Variants in ANKRD30B observed in about 807,000 individuals in gnomAD.
ANKRD30B encodes ankyrin repeat domain 30B, also known as ankyrin repeat domain-containing protein 30B.
A neutral mutation model predicts 202.2 loss-of-function variants in ANKRD30B; 144 were observed. The observed-to-expected ratio is 0.71, with a 90% CI of 0.62 to 0.82. The LOEUF (loss-of-function observed/expected upper bound fraction) is 0.82, where lower values mean the gene tolerates loss of function less well. Ranked by LOEUF, ANKRD30B falls within the 40% of genes least tolerant of loss-of-function variation. ANKRD30B has a pLI of 0.00. For synonymous variants in ANKRD30B, 508 were observed against 561.3 expected (o/e 0.91, Z 1.34); for missense variants, 1,487 against 1,669.1 (o/e 0.89, Z 1.90).
chr18:14,923,056 A>G, the ANKRD30B span, among the ~76,000 whole-genome samples: 1 of 152,188 alleles, frequency 6.6e-6, no homozygotes, highest in Non-Finnish European at 1.5e-5. Flanking sequence ...TCTTGGCAGG[A>G]TTCATCACCT....
the ANKRD30B span, among the ~76,000 whole-genome samples, chr18:14,861,097 C>T: frequency 6.6e-6 from 1 of 152,146 alleles, no homozygotes. Context: ...TCGTTACCTC[C>T]AGACTGACTC....
At chr18:14,844,897 C>T (rs1819202015) in intron 39 of ANKRD30B, among the ~76,000 whole-genome samples, 1 of 151,936 alleles carries the variant, frequency 6.6e-6, no homozygotes, top group South Asian at 2.1e-4. Flanking sequence ...TCAGAAGTGT[C>T]TGTTCATATC....
At chr18:14,856,526 C>T (rs1418667901), downstream of ANKRD30B, among the ~76,000 whole-genome samples, 2 of 134,996 alleles carry the variant, frequency 1.5e-5, no homozygotes, top group South Asian at 2.4e-4. Context: ...TCCTCACCTC[C>T]CAGATGATGG....
the ANKRD30B span, among the ~76,000 whole-genome samples, chr18:14,914,502 TTGTC>T: frequency 6.6e-6 from 1 of 152,200 alleles, no homozygotes; most frequent in African/African-American, 2.4e-5. Flanking sequence ...GATGGAAAGA[TTGTC>T]TGTTAGACCA....
chr18:14,796,491 C>T, intron 18 of ANKRD30B, 76 bp downstream of exon 18: 1 of 1,429,388 alleles, frequency 7.0e-7, no homozygotes, highest in Non-Finnish European at 9.3e-7. Context: ...GCTTTTATTC[C>T]CAATGTTGTT....
chr18:14,936,054 C>T, the ANKRD30B span, among the ~76,000 whole-genome samples: 55 of 152,324 alleles, frequency 3.6e-4, no homozygotes, highest in African/African-American at 1.3e-3. Context: ...AGCCTGGAAC[C>T]TGAGCGCTTG....
the ANKRD30B span, among the ~76,000 whole-genome samples, chr18:14,869,496 C>T: frequency 1.3e-5 from 2 of 152,136 alleles, no homozygotes; most frequent in South Asian, 2.1e-4. Context: ...GTTAAGATGT[C>T]ATAATTAAAA....
chr18:14,896,373 T>C, the ANKRD30B span, among the ~76,000 whole-genome samples: 5 of 152,130 alleles, frequency 3.3e-5, no homozygotes, highest in Admixed American at 6.5e-5. Flanking sequence ...CCTTGTGATC[T>C]GCCCACCTCG....
At position 14,808,722 on chromosome 18, in the gene ANKRD30B, G is replaced by A. The variant is rs568774201; in HGVS notation, c.2364G>A (p.Lys788=). ...TTCCAAATAAAGCCTTAGAATTAAA[G>A]GACAGAGAAACACTCAAAGCAGGTA... The part of the protein sequence containing the change: ...VSLPNKALEL[K]DRETLKAESP... The change falls in exon 26 of 44, where the codon AAG becomes AAA. Residue 788 remains lysine, a synonymous_variant. Transcript: ENST00000690538. 3.3e-6 allele frequency: 5 copies of A among 1,509,278 alleles called. No individual in the cohort carries two copies. Among genetic ancestry groups the A allele is most frequent in the Non-Finnish European group, 4.5e-6 (5 of 1,120,078 alleles). 93.5% of individuals were successfully genotyped at this position (1,509,278 alleles called of 1,614,324 possible).
chr18:14,870,970 C>G, the ANKRD30B span, among the ~76,000 whole-genome samples: 1 of 150,112 alleles, frequency 6.7e-6, no homozygotes, highest in East Asian at 2.0e-4. Flanking sequence ...GGCACTCACA[C>G]CCTAACCCAC....
chr18:14,919,301 GC>G, the ANKRD30B span, among the ~76,000 whole-genome samples: 1 of 152,322 alleles, frequency 6.6e-6, no homozygotes, highest in South Asian at 2.1e-4. Context: ...CATTTGGTAG[GC>G]CTGACAGGAC....
Position 14,832,911 on chromosome 18 carries a change from T to G in ANKRD30B, c.2847+1456T>G, listed in dbSNP as rs188783446. On this transcript the variant is annotated intron_variant, in intron 34 of 43. Coordinates refer to ENST00000690538, the MANE Select transcript of ANKRD30B (RefSeq NM_001367607.2). Reference sequence around the variant, plus strand: ...TCAGATTTTAAAAAATTTAATATATTTTAGTCTCAACTCATGTTTTGTTTG... The same window carrying G: ...TCAGATTTTAAAAAATTTAATATATGTTAGTCTCAACTCATGTTTTGTTTG... Among the ~76,000 whole-genome samples, 7 of 152,248 alleles carry G rather than the reference T, an allele frequency of 4.6e-5. No individual in the cohort carries two copies. In the East Asian group the frequency reaches 1.4e-3, roughly 29 times the overall value.
chr18:14,940,302 C>G, the ANKRD30B span, among the ~76,000 whole-genome samples: 1 of 152,170 alleles, frequency 6.6e-6, no homozygotes, highest in South Asian at 2.1e-4. Flanking sequence ...GATGCAGCAT[C>G]TCTCCGAAAA....
rs1970917280 is a variant in ANKRD30B at position 14,831,195 on chromosome 18, A to AAAAAAAAAAC, written c.2775-183_2775-182insAAAACAAAAA. ...ACTCCGTCTCGGAAAAAAAAAAAAA[A>AAAAAAAAAAC]AAAAACGAAAACCAGATGGCATATT... On this transcript the variant is annotated intron_variant, in intron 33 of 43. Coordinates refer to ENST00000690538, the MANE Select transcript of ANKRD30B (RefSeq NM_001367607.2). Among the ~76,000 whole-genome samples, 6 of 151,036 alleles carry AAAAAAAAAAC rather than the reference A, an allele frequency of 4.0e-5. No homozygotes were observed. In the South Asian group the frequency reaches 6.3e-4, roughly 16 times the overall value.
chr18:14,817,587 G>A (rs1206510651), intron 30 of ANKRD30B, among the ~76,000 whole-genome samples: 5 of 152,082 alleles, frequency 3.3e-5, no homozygotes, highest in Admixed American at 1.3e-4. Flanking sequence ...TCTTAGAAAG[G>A]TCAAAGCCAG....
At chr18:14,832,777 G>A (rs774614952) in intron 34 of ANKRD30B, among the ~76,000 whole-genome samples, 11 of 152,244 alleles carry the variant, frequency 7.2e-5, no homozygotes, top group Middle Eastern at 3.4e-3. Flanking sequence ...ATAAATTAAT[G>A]TGCGTTATCT....
intron 3 of ANKRD30B, among the ~76,000 whole-genome samples, chr18:14,753,412 A>G (rs552608032): frequency 6.6e-6 from 1 of 152,288 alleles, no homozygotes; most frequent in Admixed American, 6.5e-5. Context: ...TCTTGAGCAC[A>G]TATGACTGTT....
At chr18:14,890,928 TA>T in the ANKRD30B span, among the ~76,000 whole-genome samples, 1 of 152,172 alleles carries the variant, frequency 6.6e-6, no homozygotes, top group African/African-American at 2.4e-5. Context: ...ATAAGAATGG[TA>T]ACTTACTATT....
chr18:14,783,400 G>T (rs1042594137), intron 12 of ANKRD30B, among the ~76,000 whole-genome samples: 1 of 152,002 alleles, frequency 6.6e-6, no homozygotes, highest in Non-Finnish European at 1.5e-5. Flanking sequence ...TTACAATCAG[G>T]CATGACAAAT....
Sources: allele counts gnomAD v4.1 joint callset (sites outside exome capture counted in the v4.1 genomes callset), GRCh38; gene constraint gnomAD v4.1.1; transcripts MANE v1.5; gene names NCBI Gene and HGNC (gene_info 2026-07-23, HGNC 2026-07-21).